NAV2: variants seen among roughly 807,000 people sequenced by gnomAD.
NAV2 encodes helicase, APC down-regulated 1.
In NAV2, 54 loss-of-function variants were observed where a neutral mutation model predicts 223.2. The observed-to-expected ratio is 0.24, with a 90% confidence interval of 0.19 to 0.30. NAV2 has a LOEUF of 0.30. Ranked by LOEUF, NAV2 falls within the 10% of genes least tolerant of loss-of-function variation. The pLI is 1.00. For missense variants in NAV2, 2,806 were observed against 3,147.5 expected (o/e 0.89, Z 2.60); for synonymous variants, 1,279 against 1,239.3 (o/e 1.03, Z -0.67).
intron 1 of NAV2, among the ~76,000 whole-genome samples, chr11:19,624,869 A>G (rs534094796): frequency 9.8e-5 from 15 of 152,332 alleles, no homozygotes; most frequent in Middle Eastern, 3.4e-3. Context: ...TGTAGACTGG[A>G]GCTCTACCTA....
At chr11:19,968,112 C>T (rs2048919466) in intron 10 of NAV2, among the ~76,000 whole-genome samples, 2 of 104,462 alleles carry the variant, frequency 1.9e-5, no homozygotes, top group South Asian at 6.6e-4. Flanking sequence ...AGTGTCTGCA[C>T]ACCAGCTGAG....
intron 1 of NAV2, among the ~76,000 whole-genome samples, chr11:19,527,825 C>G (rs1016020194): frequency 6.6e-6 from 1 of 152,114 alleles, no homozygotes; most frequent in Non-Finnish European, 1.5e-5. Flanking sequence ...TCTGACTGGT[C>G]AAGCCCACCT....
intron 1 of NAV2, among the ~76,000 whole-genome samples, chr11:19,552,019 G>A (rs768911154): frequency 5.3e-5 from 8 of 151,982 alleles, no homozygotes; most frequent in Non-Finnish European, 1.0e-4. Context: ...CCTTCCCTTT[G>A]TCTGAGGAGG....
chr11:19,988,497 G>A (rs779598269), intron 11 of NAV2, among the ~76,000 whole-genome samples: 2 of 151,766 alleles, frequency 1.3e-5, no homozygotes, highest in Non-Finnish European at 2.9e-5. Context: ...AATGAAAATC[G>A]CCCTCCACCT....
intron 1 of NAV2, among the ~76,000 whole-genome samples, chr11:19,561,087 T>A (rs1054502058): frequency 1.1e-4 from 17 of 152,240 alleles, no homozygotes; most frequent in African/African-American, 3.9e-4. Flanking sequence ...AAATTCTGGA[T>A]GGATGACCTC....
At chr11:19,765,744 C>A (rs568013278) in intron 1 of NAV2, among the ~76,000 whole-genome samples, 4,533 of 152,180 alleles carry the variant, frequency 0.03, 127 homozygotes, top group African/African-American at 0.073. Context: ...ACTCCTGTTC[C>A]CTCTCCCCGC....
chr11:19,445,052 C>T (rs990008158), intron 1 of NAV2, among the ~76,000 whole-genome samples: 1 of 152,172 alleles, frequency 6.6e-6, no homozygotes, highest in Non-Finnish European at 1.5e-5. Context: ...ATCATCACCA[C>T]CATCATTATT....
At chr11:19,985,549 AGT>A (rs2050710501) in intron 11 of NAV2, among the ~76,000 whole-genome samples, 1 of 136,570 alleles carries the variant, frequency 7.3e-6, no homozygotes, top group Non-Finnish European at 1.5e-5. Flanking sequence ...GAGAAAAAAA[AGT>A]TTTTTTTGTT....
intron 29 of NAV2, 66 bp from the exon 30 acceptor site, chr11:20,095,606 C>G: frequency 8.8e-7 from 1 of 1,130,798 alleles, no homozygotes; most frequent in Non-Finnish European, 1.3e-6. Context: ...CAACCTGAGT[C>G]CTCTGCTGAA....
chr11:19,387,342 G>T (rs1189206134), intron 1 of NAV2, among the ~76,000 whole-genome samples: 1 of 152,122 alleles, frequency 6.6e-6, no homozygotes, highest in East Asian at 1.9e-4. Flanking sequence ...AGAAAAGGAG[G>T]TAGTTAGGAT....
rs560505724 is a variant in NAV2, at chr11:20,049,931, G to A, written c.4436+30G>A. On this transcript the variant is annotated intron_variant, in intron 16 of 37. Coordinates refer to ENST00000349880, the MANE Select transcript of NAV2 (RefSeq NM_145117.5). ...TGACATTGCAGGCCGGGGACCAACC[G>A]AGCCTCTAGGTTCTTCTGCCCATTC... 80 of 1,604,564 alleles carry A rather than the reference G, an allele frequency of 5.0e-5. No individual in the cohort carries two copies. In the South Asian group the frequency reaches 6.8e-4, roughly 14 times the overall value.
chr11:19,862,201 T>A (rs776801549), intron 3 of NAV2, among the ~76,000 whole-genome samples: 7 of 152,246 alleles, frequency 4.6e-5, no homozygotes, highest in Non-Finnish European at 1.5e-5. Flanking sequence ...GAGAAACTCT[T>A]AAAAAGTTTT....
intron 1 of NAV2, among the ~76,000 whole-genome samples, chr11:19,412,759 C>A (rs1362838579): frequency 6.6e-6 from 1 of 152,236 alleles, no homozygotes; most frequent in Non-Finnish European, 1.5e-5. Context: ...TCTGCAGCCT[C>A]TGCTGGTGAT....
intron 26 of NAV2, among the ~76,000 whole-genome samples, chr11:20,089,626 G>T (rs1007487497): frequency 2.6e-5 from 4 of 152,214 alleles, no homozygotes; most frequent in Admixed American, 6.5e-5. Context: ...GGGGTGTTTG[G>T]GGTTGTTTTT....
intron 1 of NAV2, among the ~76,000 whole-genome samples, chr11:19,811,762 G>A (rs2058844959): frequency 6.6e-6 from 1 of 152,124 alleles, no homozygotes; most frequent in Non-Finnish European, 1.5e-5. Context: ...TATGCAGATA[G>A]CCTTTTGTGA....
chr11:19,364,527 A>G (rs1854149205), intron 1 of NAV2, among the ~76,000 whole-genome samples: 1 of 152,116 alleles, frequency 6.6e-6, no homozygotes, highest in South Asian at 2.1e-4. Flanking sequence ...TCCAATTTTG[A>G]TCCTAGTCAT....
chr11:19,743,666 G>C (rs115734148), intron 1 of NAV2, among the ~76,000 whole-genome samples: 2,052 of 152,366 alleles, frequency 0.013, 46 homozygotes, highest in African/African-American at 0.047. Flanking sequence ...GCTTAGCCTA[G>C]AGCTACCTCT....
At chr11:19,760,491 G>A (rs979766775) in intron 1 of NAV2, among the ~76,000 whole-genome samples, 12 of 152,290 alleles carry the variant, frequency 7.9e-5, no homozygotes, top group South Asian at 6.2e-4. Flanking sequence ...ACCAACCATC[G>A]ACTCACAAGC....
chr11:19,617,684 G>T (rs1038154019), intron 1 of NAV2, among the ~76,000 whole-genome samples: 19 of 152,196 alleles, frequency 1.2e-4, no homozygotes. Flanking sequence ...GCCTCCCTGA[G>T]GAGACAGTTT....
Sources: allele counts gnomAD v4.1 joint callset (sites outside exome capture counted in the v4.1 genomes callset), GRCh38; gene constraint gnomAD v4.1.1; transcripts MANE v1.5; gene names NCBI Gene and HGNC (gene_info 2026-07-23, HGNC 2026-07-21).